The following CYP19A1 variants were observed in gnomAD, a reference collection of about 807,000 sequenced individuals.
CYP19A1 encodes the protein cytochrome P450 family 19 subfamily A member 1, also known as aromatase.
CYP19A1 carries 32 observed loss-of-function variants against 44.4 expected under a neutral mutation model. That is an observed-to-expected ratio of 0.72 (90% confidence interval 0.54 to 0.97). The LOEUF is 0.97. CYP19A1 is among the 50% of genes least tolerant of loss of function. The pLI, the probability that CYP19A1 is intolerant of heterozygous loss-of-function variation, is 0.00. For missense variants in CYP19A1, 598 were observed against 637.8 expected (o/e 0.94, Z 0.67); for synonymous variants, 212 against 215.6 (o/e 0.98, Z 0.14).
intron 1 of CYP19A1, chr15:51,323,759 C>T (rs1177581392): frequency 1.3e-5 from 2 of 152,142 alleles, no homozygotes; most frequent in African/African-American, 4.8e-5. Context: ...GGATGTACAC[C>T]GGCGCTTTCC....
intron 1 of CYP19A1, among the ~76,000 whole-genome samples, chr15:51,258,782 A>C (rs1248410457): frequency 6.6e-6 from 1 of 152,272 alleles, no homozygotes; most frequent in Non-Finnish European, 1.5e-5. Flanking sequence ...AAAGATTTAC[A>C]AAAATGAAGG....
chr15:51,299,777 G>A (rs1220419832), intron 1 of CYP19A1, among the ~76,000 whole-genome samples: 1 of 152,166 alleles, frequency 6.6e-6, no homozygotes, highest in Non-Finnish European at 1.5e-5. Context: ...GCCCAGCAGG[G>A]GAGATAAGAC....
chr15:51,298,142 G>C (rs2036038550), intron 1 of CYP19A1, among the ~76,000 whole-genome samples: 1 of 152,198 alleles, frequency 6.6e-6, no homozygotes, highest in Non-Finnish European at 1.5e-5. Flanking sequence ...AGGCCAGGAA[G>C]ACTCACCAGC....
chr15:51,328,405 C>T (rs1012472226), intron 1 of CYP19A1, among the ~76,000 whole-genome samples: 1 of 152,174 alleles, frequency 6.6e-6, no homozygotes, highest in Admixed American at 6.5e-5. Flanking sequence ...ACATCCCCCC[C>T]TACCCATCCA....
In CYP19A1 at chr15:51,210,758, T is replaced by C. The variant is rs373381270; in HGVS notation, c.*50A>G. On this transcript the variant is annotated 3_prime_UTR_variant, in exon 10 of 10. Transcript: ENST00000396402. ...TATTGGCAAGGATGGATGATTTGTA[T>C]GTGAACTACTGATGAGAAATGCTCC... 68 of 1,188,036 alleles carry C rather than the reference T, an allele frequency of 5.7e-5. No homozygotes were observed. Among genetic ancestry groups the C allele is most frequent in the Admixed American group, 2.7e-4 (16 of 59,530 alleles). The allele number at this position is 1,188,036 out of a possible 1,614,324, so 73.6% of individuals were successfully genotyped here.
chr15:51,297,321 A>G (rs947203461), intron 1 of CYP19A1, among the ~76,000 whole-genome samples: 1 of 152,188 alleles, frequency 6.6e-6, no homozygotes, highest in South Asian at 2.1e-4. Flanking sequence ...GGTTTACACC[A>G]GCCTCCTCTT....
At chr15:51,309,178 G>T (rs554416864) in intron 1 of CYP19A1, among the ~76,000 whole-genome samples, 86 of 152,256 alleles carry the variant, frequency 5.6e-4, no homozygotes, top group Middle Eastern at 3.4e-3. Flanking sequence ...GAATTGGATT[G>T]GTGCCTCTGT....
rs3751599 is a variant in CYP19A1 at position 51,281,336 on chromosome 15, G to A, written c.-38-38386C>T. Among the ~76,000 whole-genome samples, 466 of 152,290 alleles carry A rather than the reference G, an allele frequency of 3.1e-3. 9 individuals carry two copies. The East Asian group carries it at 0.062, about 20-fold the overall frequency. ...AGATTAGAGGCTATACCAGATGTTT[G>A]GGTCACTCTCTGGAGGTTCCTGGGG... On this transcript the variant is annotated intron_variant, in intron 1 of 9. Coordinates refer to ENST00000396402, the MANE Select transcript of CYP19A1 (RefSeq NM_000103.4).
At chr15:51,246,278 T>TACATGC (rs1193182678) in intron 1 of CYP19A1, among the ~76,000 whole-genome samples, 1 of 152,154 alleles carries the variant, frequency 6.6e-6, no homozygotes, top group East Asian at 1.9e-4. Context: ...AACACACATG[T>TACATGC]ACATGCACAT....
At chr15:51,291,116 G>A (rs1042490828) in intron 1 of CYP19A1, among the ~76,000 whole-genome samples, 20 of 152,172 alleles carry the variant, frequency 1.3e-4, no homozygotes, top group African/African-American at 4.3e-4. Flanking sequence ...TAGGTTTGAG[G>A]CAGATCATTA....
chr15:51,305,002 C>T (rs1044148497), intron 1 of CYP19A1, among the ~76,000 whole-genome samples: 8 of 149,160 alleles, frequency 5.4e-5, no homozygotes, highest in South Asian at 2.1e-4. Context: ...CAGGTTCAAG[C>T]GATTCTCCTG....
chr15:51,299,874 C>T (rs919948809), intron 1 of CYP19A1, among the ~76,000 whole-genome samples: 1 of 152,228 alleles, frequency 6.6e-6, no homozygotes, highest in Non-Finnish European at 1.5e-5. Flanking sequence ...TGACCTCCCA[C>T]TGGACACTCA....
intron 1 of CYP19A1, among the ~76,000 whole-genome samples, chr15:51,334,292 T>C (rs530567464): frequency 6.6e-6 from 1 of 152,318 alleles, no homozygotes; most frequent in South Asian, 2.1e-4. Flanking sequence ...GTTTCAACAA[T>C]GTGACCTTGG....
At chr15:51,331,253 G>A (rs1453593319) in intron 1 of CYP19A1, among the ~76,000 whole-genome samples, 1 of 152,204 alleles carries the variant, frequency 6.6e-6, no homozygotes, top group East Asian at 1.9e-4. Flanking sequence ...ATCACAGGCA[G>A]CACTGAACAC....
At chr15:51,280,376 G>C (rs948979393) in intron 1 of CYP19A1, among the ~76,000 whole-genome samples, 2 of 151,202 alleles carry the variant, frequency 1.3e-5, no homozygotes, top group Non-Finnish European at 3.0e-5. Flanking sequence ...GGGATTACAG[G>C]TGTGAGCCAC....
chr15:51,221,078 T>C (rs536377689), intron 5 of CYP19A1, among the ~76,000 whole-genome samples: 44 of 152,292 alleles, frequency 2.9e-4, no homozygotes, highest in African/African-American at 1.0e-3. Context: ...ATATGAGTTA[T>C]GGATTTAAGA....
In CYP19A1 at chr15:51,270,183, G is replaced by GTT. The variant is rs2035071709; in HGVS notation, c.-38-27234_-38-27233insAA. ...TTAGATTTATTCCTAAGTATTCTTT[G>GTT]GTTTTTTTTTTGGTACTACTGTGTT... On this transcript the variant is annotated intron_variant, in intron 1 of 9. Transcript: ENST00000396402. Among the ~76,000 whole-genome samples, 13 of 112,660 alleles carry GTT rather than the reference G, an allele frequency of 1.2e-4. No individual in the cohort carries two copies. The South Asian group carries it at 3.1e-3, about 27-fold the overall frequency. The allele number at this position is 112,660 out of a possible 152,430, so 73.9% of individuals were successfully genotyped here.
intron 1 of CYP19A1, among the ~76,000 whole-genome samples, chr15:51,249,175 AG>A (rs750999075): frequency 8.5e-5 from 13 of 152,122 alleles, no homozygotes; most frequent in Non-Finnish European, 1.8e-4. Flanking sequence ...TCCTGACCTC[AG>A]GTGATTCACC....
chr15:51,271,695 T>C (rs1378570807), intron 1 of CYP19A1, among the ~76,000 whole-genome samples: 2 of 152,232 alleles, frequency 1.3e-5, no homozygotes, highest in African/African-American at 4.8e-5. Context: ...AGCCCATTGT[T>C]TTCTCTGAAT....
Sources: gnomAD v4.1 joint callset for allele counts (sites outside exome capture counted in the v4.1 genomes callset) on GRCh38, gnomAD v4.1.1 for gene constraint, MANE v1.5 for transcripts, NCBI Gene and HGNC (gene_info 2026-07-23, HGNC 2026-07-21) for gene names.